Variants in ZNF572 observed in about 807,000 individuals in gnomAD.
ZNF572 encodes the protein zinc finger protein 572.
In ZNF572, 2 loss-of-function variants were observed where a neutral mutation model predicts 3.8. That is an observed-to-expected ratio of 0.52 (90% CI 0.21 to 1.65). The LOEUF is 1.65. Ranked by LOEUF, ZNF572 falls within the 40% of genes most tolerant of loss-of-function variation. The pLI is 0.20. For synonymous variants in ZNF572, 187 were observed against 204.5 expected (o/e 0.91, Z 0.73); for missense variants, 581 against 633.4 (o/e 0.92, Z 0.89).
Position 124,977,034 on chromosome 8 carries a change from A to G in ZNF572, c.766A>G (p.Ser256Gly). 6.2e-7 allele frequency: 1 copy of G among 1,613,648 alleles called. No individual in the cohort carries two copies. Among genetic ancestry groups the G allele is most frequent in the Non-Finnish European group, 8.5e-7 (1 of 1,180,022 alleles). Reference sequence around the variant, plus strand: ...TGTCTGCGGAAAAGGCTTCAGTCACAGCTATGTCCTAATAGAACATCAGAG... The same window carrying G: ...TGTCTGCGGAAAAGGCTTCAGTCACGGCTATGTCCTAATAGAACATCAGAG... ...CSVCGKGFSH[S>G]YVLIEHQRTH... Residue 256 changes from serine to glycine, a missense_variant, in exon 3 of 3, where the codon AGC becomes GGC. Ser to Gly is a moderately conservative substitution (Grantham distance 56, BLOSUM62 0). Coordinates refer to ENST00000319286, the MANE Select transcript of ZNF572 (RefSeq NM_152412.3).
At position 124,977,582 on chromosome 8, in the gene ZNF572, A is replaced by G; in HGVS notation, c.1314A>G (p.Lys438=). The change falls in exon 3 of 3, where the codon AAA becomes AAG. Residue 438 remains lysine, a synonymous_variant. Transcript: ENST00000319286. ...VIHQRTHTGE[K]PYKCPDCGES... is the part of the protein sequence containing the mutation. ...ACCAAAGGACACATACAGGAGAGAAACCTTATAAATGTCCTGATTGTGGTG... is the reference window on the plus strand; with the variant it reads ...ACCAAAGGACACATACAGGAGAGAAGCCTTATAAATGTCCTGATTGTGGTG... The G allele has an allele frequency of 6.2e-7, 1 of 1,614,188 alleles. No homozygotes were observed. Among genetic ancestry groups the G allele is most frequent in the Non-Finnish European group, 8.5e-7 (1 of 1,180,012 alleles).
At position 124,977,037 on chromosome 8, in the gene ZNF572, T is replaced by C. The variant is rs1277906369; in HGVS notation, c.769T>C (p.Tyr257His). Residue 257 changes from tyrosine to histidine, a missense_variant, in exon 3 of 3, where the codon TAT (tyrosine) becomes CAT (histidine). Transcript: ENST00000319286. ...CTGCGGAAAAGGCTTCAGTCACAGCTATGTCCTAATAGAACATCAGAGGAC... is the reference window on the plus strand; with the variant it reads ...CTGCGGAAAAGGCTTCAGTCACAGCCATGTCCTAATAGAACATCAGAGGAC... ...SVCGKGFSHS[Y>H]VLIEHQRTHT... 1.2e-6 allele frequency: 2 copies of C among 1,613,450 alleles called. No individual in the cohort carries two copies. Among genetic ancestry groups the C allele is most frequent in the Non-Finnish European group, 1.7e-6 (2 of 1,180,020 alleles).
rs1443844150 is a variant in ZNF572 at position 124,977,703 on chromosome 8, A to C, written c.1435A>C (p.Arg479=). ...KCTSCEKCFS[R]SAYLSQHRKI... is the part of the protein sequence containing the mutation. ...TACCAGCTGTGAGAAATGCTTCAGC[A>C]GAAGTGCCTACCTCAGTCAGCATCG... is the stretch of plus-strand genomic sequence containing the variant. The change falls in exon 3 of 3, where the codon AGA becomes CGA. Residue 479 remains arginine, a synonymous_variant. Coordinates refer to ENST00000319286, the MANE Select transcript of ZNF572 (RefSeq NM_152412.3). 1 of 1,614,260 alleles carries C rather than the reference A, an allele frequency of 6.2e-7. No individual in the cohort carries two copies. The highest frequency in any genetic ancestry group is 8.5e-7 in the Non-Finnish European group (1 of 1,180,036).
At chr8:124,976,230 T>C in intron 2 of ZNF572, 118 bp from the exon 3 acceptor site, 4 of 933,070 alleles carry the variant, frequency 4.3e-6, no homozygotes, top group Non-Finnish European at 6.0e-6. Context: ...AAAAACTTTT[T>C]TATATGAAAT....
Position 124,977,082 on chromosome 8 carries a change from T to C in ZNF572, c.814T>C (p.Tyr272His). The stretch of plus-strand genomic sequence containing the variant: ...GAGGACTCACACTGGAGAAAAACCT[T>C]ATAAGTGCCCTGATTGTGGGAAGAG... ...HQRTHTGEKPYKCPDCGKSFS... is the reference protein window; with the variant it reads ...HQRTHTGEKPHKCPDCGKSFS... The change falls in exon 3 of 3, where the codon TAT (tyrosine) becomes CAT (histidine). Residue 272 changes from tyrosine to histidine, a missense_variant. Tyr to His is a moderately conservative substitution (Grantham distance 83). Transcript: ENST00000319286. 6.2e-7 allele frequency: 1 copy of C among 1,610,538 alleles called. No individual in the cohort carries two copies. Among genetic ancestry groups the C allele is most frequent in the African/African-American group, 1.3e-5 (1 of 75,040 alleles).
At chr8:124,974,395 C>A (rs1321269281) in intron 1 of ZNF572, among the ~76,000 whole-genome samples, 1 of 152,068 alleles carries the variant, frequency 6.6e-6, no homozygotes. Flanking sequence ...CAAACTCATC[C>A]TATAAAATGC....
chr8:124,973,571 T>G (rs1203871214), intron 1 of ZNF572, among the ~76,000 whole-genome samples, 155 bp downstream of exon 1: 2 of 152,200 alleles, frequency 1.3e-5, no homozygotes, highest in African/African-American at 4.8e-5. Context: ...CCGTCATCCT[T>G]GTCCGCGGGG....
chr8:124,976,849 G>A lies in ZNF572; in HGVS notation c.581G>A (p.Gly194Glu), dbSNP rs1040281652. Residue 194 changes from glycine (G) to glutamate (E), a missense_variant, in exon 3 of 3, where the codon GGG becomes GAG. Coordinates refer to ENST00000319286, the MANE Select transcript of ZNF572 (RefSeq NM_152412.3). ...AAGCCCTACCAGTGTGGTGAATGTG[G>A]GAAAAGCTTCAGCAATACCTCCCAT... ...GEKPYQCGEC[G>E]KSFSNTSHLI... 4 of 1,610,474 alleles carry A rather than the reference G, an allele frequency of 2.5e-6. No homozygotes were observed. In the African/African-American group the frequency reaches 4.0e-5, roughly 16 times the overall value.
At chr8:124,975,501 TG>T (rs1564126420) in intron 1 of ZNF572, 104 bp from the exon 2 acceptor site, 2 of 653,074 alleles carry the variant, frequency 3.1e-6, no homozygotes, top group East Asian at 5.4e-5. Context: ...GTATGGTTCA[TG>T]GAACATTCTA....
rs1299165307 is a variant in ZNF572, at chr8:124,976,466, G to T, written c.198G>T (p.Glu66Asp). Residue 66 changes from glutamate to aspartate, a missense_variant, in exon 3 of 3, where the codon GAG (glutamate) becomes GAT (aspartate). Physicochemically the swap from Glu to Asp is conservative, Grantham distance 45 (BLOSUM62 2). Coordinates refer to ENST00000319286, the MANE Select transcript of ZNF572 (RefSeq NM_152412.3). Reference sequence around the variant, plus strand: ...ATAGACCACAACATTATAAGCATGAGGATGCAAAAGAAATGCCACTGACAT... The same window carrying T: ...ATAGACCACAACATTATAAGCATGATGATGCAAAAGAAATGCCACTGACAT... ...KRHRPQHYKH[E>D]DAKEMPLTWV... 6.2e-7 allele frequency: 1 copy of T among 1,614,028 alleles called. No homozygotes were observed. Among genetic ancestry groups the T allele is most frequent in the Non-Finnish European group, 8.5e-7 (1 of 1,180,034 alleles).
In ZNF572 at chr8:124,976,987, G is replaced by T; in HGVS notation, c.719G>T (p.Gly240Val). The T allele has an allele frequency of 6.2e-7, 1 of 1,614,142 alleles. No homozygotes were observed. The highest frequency in any genetic ancestry group is 8.5e-7 in the Non-Finnish European group (1 of 1,180,014). The part of the protein sequence containing the change: ...HLIQHHRSHT[G>V]EKPYECSVCG... ...ATTCAGCATCACAGATCACATACAG[G>T]TGAAAAACCATATGAATGTTCTGTC... is the stretch of plus-strand genomic sequence containing the variant. The change falls in exon 3 of 3, where the codon GGT (glycine) becomes GTT (valine). Residue 240 changes from glycine (G) to valine (V), a missense_variant. Transcript: ENST00000319286.
In ZNF572 at chr8:124,977,460, C is replaced by T; in HGVS notation, c.1192C>T (p.His398Tyr). The T allele has an allele frequency of 6.2e-7, 1 of 1,614,102 alleles. No individual in the cohort carries two copies. The highest frequency in any genetic ancestry group is 1.1e-5 in the South Asian group (1 of 91,072). ...TGGGAAGAGTTTTGGCCTTAGCTCC[C>T]ATCTCATTAGACATCAGAGAACACA... The part of the protein sequence containing the change: ...ECGKSFGLSS[H>Y]LIRHQRTHTG... The change falls in exon 3 of 3, where the codon CAT (histidine) becomes TAT (tyrosine). Residue 398 changes from histidine to tyrosine, a missense_variant. His to Tyr is a moderately conservative substitution (Grantham distance 83, BLOSUM62 2). Transcript: ENST00000319286.
intron 2 of ZNF572, 151 bp downstream of exon 2, chr8:124,975,870 A>C: frequency 1.7e-6 from 1 of 598,276 alleles, no homozygotes; most frequent in South Asian, 2.8e-5. Context: ...ATCTTTAAGA[A>C]AATGAATAAT....
rs1316914103 is a variant in ZNF572, at chr8:124,978,862, G to A, written c.*1004G>A. ...TAATTCTTGGTCAGCTCAAGAACTG[G>A]GTTCTTTTTCTAATAATTAACTCAC... On this transcript the variant is annotated 3_prime_UTR_variant, in exon 3 of 3. Transcript: ENST00000319286. The A allele has an allele frequency of 6.6e-6, 1 of 152,082 alleles. No individual in the cohort carries two copies. The highest frequency in any genetic ancestry group is 1.5e-5 in the Non-Finnish European group (1 of 68,016). The allele number at this position is 152,082 out of a possible 1,614,324, so 9.4% of individuals were successfully genotyped here.
chr8:124,975,560 T>C, intron 1 of ZNF572, 46 bp from the exon 2 acceptor site: 2 of 1,156,444 alleles, frequency 1.7e-6, no homozygotes, highest in Non-Finnish European at 2.6e-6. Context: ...GGAGGAAGAA[T>C]AAGCTTTAAC....
chr8:124,976,382 C>A lies in ZNF572; in HGVS notation c.114C>A (p.His38Gln). ...DTSMNNLETV[H>Q]HNNSKADKLK... is the part of the protein sequence containing the mutation. ...GTATGAATAATTTGGAAACTGTTCA[C>A]CACAATAATTCTAAGGCAGATAAAC... is the stretch of plus-strand genomic sequence containing the variant. The change falls in exon 3 of 3, where the codon CAC (histidine) becomes CAA (glutamine). Residue 38 changes from histidine to glutamine, a missense_variant. Physicochemically the swap from His to Gln is conservative, Grantham distance 24 (BLOSUM62 0). Transcript: ENST00000319286. 1 of 1,603,458 alleles carries A rather than the reference C, an allele frequency of 6.2e-7. No homozygotes were observed. The highest frequency in any genetic ancestry group is 1.1e-5 in the South Asian group (1 of 89,078).
rs946080607 is a variant in ZNF572 at position 124,978,436 on chromosome 8, A to C, written c.*578A>C. ...TGTATTAAGATTAATTGAAATTTTA[A>C]ATCCAGTTCCTCAGTCACACTAGCC... On this transcript the variant is annotated 3_prime_UTR_variant, in exon 3 of 3. Coordinates refer to ENST00000319286, the MANE Select transcript of ZNF572 (RefSeq NM_152412.3). The C allele has an allele frequency of 1.1e-4, 16 of 152,192 alleles. No homozygotes were observed. Among genetic ancestry groups the C allele is most frequent in the African/African-American group, 3.9e-4 (16 of 41,438 alleles). 9.4% of individuals were successfully genotyped at this position (152,192 alleles called of 1,614,324 possible).
Position 124,977,605 on chromosome 8 carries a change from G to C in ZNF572, c.1337G>C (p.Gly446Ala), listed in dbSNP as rs752273783. ...GEKPYKCPDC[G>A]ESFSQSFNLI... Reference sequence around the variant, plus strand: ...AAACCTTATAAATGTCCTGATTGTGGTGAAAGCTTCAGTCAGAGCTTTAAC... The same window carrying C: ...AAACCTTATAAATGTCCTGATTGTGCTGAAAGCTTCAGTCAGAGCTTTAAC... The change falls in exon 3 of 3, where the codon GGT becomes GCT. Residue 446 changes from glycine to alanine, a missense_variant. Transcript: ENST00000319286. 4 of 1,614,214 alleles carry C rather than the reference G, an allele frequency of 2.5e-6. No homozygotes were observed. In the South Asian group the frequency reaches 4.4e-5, roughly 18 times the overall value.
intron 2 of ZNF572, 122 bp from the exon 3 acceptor site, chr8:124,976,225 CT>C: frequency 3.3e-6 from 3 of 915,064 alleles, no homozygotes; most frequent in Non-Finnish European, 4.6e-6. Context: ...TCTTTAAAAA[CT>C]TTTTTATATG....
Sources: gnomAD v4.1 joint callset for allele counts (sites outside exome capture counted in the v4.1 genomes callset) on GRCh38, gnomAD v4.1.1 for gene constraint, MANE v1.5 for transcripts, NCBI Gene and HGNC (gene_info 2026-07-23, HGNC 2026-07-21) for gene names.